Variants in TMPRSS11D observed in about 807,000 individuals in gnomAD.
TMPRSS11D encodes transmembrane protease serine 11D.
In TMPRSS11D, 32 loss-of-function variants were observed where a neutral mutation model predicts 44.4. That is an observed-to-expected ratio of 0.72 (90% CI 0.54 to 0.97). The LOEUF (loss-of-function observed/expected upper bound fraction) is 0.97, where lower values mean the gene tolerates loss of function less well. Among genes scored for constraint, TMPRSS11D ranks in the 50% least tolerant of loss-of-function variants. TMPRSS11D has a pLI of 0.00. For synonymous variants in TMPRSS11D, 179 were observed against 177.9 expected (o/e 1.01, Z -0.05); for missense variants, 446 against 502.6 (o/e 0.89, Z 1.08).
At chr4:67,876,015 A>G (rs780089927) in intron 1 of TMPRSS11D, among the ~76,000 whole-genome samples, 1 of 152,254 alleles carries the variant, frequency 6.6e-6, no homozygotes, top group Non-Finnish European at 1.5e-5. Flanking sequence ...CACATAAAAA[A>G]GAGATTTCTT....
chr4:67,870,456 G>C (rs558875282), intron 1 of TMPRSS11D, among the ~76,000 whole-genome samples: 1 of 152,142 alleles, frequency 6.6e-6, no homozygotes, highest in Non-Finnish European at 1.5e-5. Flanking sequence ...TTGCTCCCTG[G>C]CCTCTTGTAT....
At chr4:67,854,660 A>G (rs570592393) in intron 2 of TMPRSS11D, among the ~76,000 whole-genome samples, 1 of 152,330 alleles carries the variant, frequency 6.6e-6, no homozygotes, top group South Asian at 2.1e-4. Context: ...AAAGTAAGTC[A>G]TCTGACAAGA....
chr4:67,838,458 G>A (rs1718155058), intron 4 of TMPRSS11D, 129 bp from the exon 5 acceptor site: 3 of 860,840 alleles, frequency 3.5e-6, no homozygotes, highest in Non-Finnish European at 5.0e-6. Context: ...ACAGATCTCT[G>A]TAACAGTGTT....
intron 1 of TMPRSS11D, among the ~76,000 whole-genome samples, chr4:67,872,054 T>G (rs910176129): frequency 1.3e-5 from 2 of 152,168 alleles, no homozygotes; most frequent in African/African-American, 4.8e-5. Flanking sequence ...TAGTTAGGGA[T>G]AGCCCAACAT....
chr4:67,857,471 A>T (rs183954511), intron 2 of TMPRSS11D, among the ~76,000 whole-genome samples: 2 of 152,094 alleles, frequency 1.3e-5, no homozygotes, highest in East Asian at 3.9e-4. Context: ...AAAATTAGCC[A>T]GGCATGGTGG....
At chr4:67,840,824 A>G (rs1306885115) in intron 4 of TMPRSS11D, among the ~76,000 whole-genome samples, 2 of 152,188 alleles carry the variant, frequency 1.3e-5, no homozygotes, top group Non-Finnish European at 2.9e-5. Flanking sequence ...AATTAAAATA[A>G]GAAATGTGTT....
intron 3 of TMPRSS11D, among the ~76,000 whole-genome samples, chr4:67,847,199 C>A (rs918316185): frequency 6.6e-6 from 1 of 152,076 alleles, no homozygotes; most frequent in African/African-American, 2.4e-5. Flanking sequence ...CCACTGCATC[C>A]GGCCTTAAAA....
chr4:67,844,624 A>C (rs2109675137), intron 3 of TMPRSS11D, among the ~76,000 whole-genome samples: 1 of 152,000 alleles, frequency 6.6e-6, no homozygotes, highest in Middle Eastern at 3.4e-3. Flanking sequence ...AAATACAAAA[A>C]AAAAATTAGC....
At chr4:67,866,877 G>T (rs967632655) in intron 1 of TMPRSS11D, among the ~76,000 whole-genome samples, 2 of 151,922 alleles carry the variant, frequency 1.3e-5, no homozygotes, top group African/African-American at 4.8e-5. Context: ...TGCATCGGAA[G>T]AATCAATGTC....
At chr4:67,864,643 T>C (rs1366785199) in intron 1 of TMPRSS11D, among the ~76,000 whole-genome samples, 2 of 151,792 alleles carry the variant, frequency 1.3e-5, no homozygotes, top group Non-Finnish European at 2.9e-5. Flanking sequence ...AACTTACTGA[T>C]AAAGGCACTT....
intron 1 of TMPRSS11D, among the ~76,000 whole-genome samples, chr4:67,881,968 T>C (rs1719329736): frequency 6.6e-6 from 1 of 152,216 alleles, no homozygotes. Context: ...ACGTTTTCTG[T>C]AATCTGGTGG....
chr4:67,883,887 TA>T, intron 1 of TMPRSS11D, 38 bp downstream of exon 1: 1 of 1,553,736 alleles, frequency 6.4e-7, no homozygotes. Context: ...TAAGATATAG[TA>T]AAACTTTTAA....
chr4:67,822,327 A>C lies in TMPRSS11D; in HGVS notation c.*10T>G, dbSNP rs765740534. 13 of 1,613,420 alleles carry C rather than the reference A, an allele frequency of 8.1e-6. No individual in the cohort carries two copies. In the Middle Eastern group the frequency reaches 8.3e-4, roughly 103 times the overall value. On this transcript the variant is annotated 3_prime_UTR_variant, in exon 10 of 10. Transcript: ENST00000283916. Reference sequence around the variant, plus strand: ...CATACAGACTTTGCAACAGGGATGCACTTGTTGCACTAGATCCCAGTTTGT... The same window carrying C: ...CATACAGACTTTGCAACAGGGATGCCCTTGTTGCACTAGATCCCAGTTTGT...
chr4:67,841,015 A>C (rs1718214952), intron 4 of TMPRSS11D, among the ~76,000 whole-genome samples: 1 of 152,164 alleles, frequency 6.6e-6, no homozygotes, highest in Non-Finnish European at 1.5e-5. Context: ...ATAAAAGATA[A>C]AATAGAGGTT....
Position 67,822,497 on chromosome 4 carries a change from C to T in TMPRSS11D, c.1097G>A (p.Gly366Asp). ...VPQGGVDACQ[G>D]DSGGPLVQED... ...TTGTACTAGTGGGCCACCAGAGTCA[C>T]CCTGTAAAAAAACAGAATGACTGAT... The change falls in exon 10 of 10, where the codon GGT becomes GAT. Residue 366 changes from glycine (G) to aspartate (D), a missense_variant and splice_region_variant. Coordinates refer to ENST00000283916, the MANE Select transcript of TMPRSS11D (RefSeq NM_004262.3). 6.2e-7 allele frequency: 1 copy of T among 1,613,518 alleles called. No individual in the cohort carries two copies. Among genetic ancestry groups the T allele is most frequent in the Non-Finnish European group, 8.5e-7 (1 of 1,179,744 alleles).
At chr4:67,846,590 C>G (rs749160591) in intron 3 of TMPRSS11D, among the ~76,000 whole-genome samples, 8 of 152,176 alleles carry the variant, frequency 5.3e-5, no homozygotes, top group Non-Finnish European at 8.8e-5. Context: ...CAGTCTCACT[C>G]ATCATGCAAA....
intron 3 of TMPRSS11D, among the ~76,000 whole-genome samples, chr4:67,850,465 C>A (rs1718475229): frequency 6.9e-6 from 1 of 144,810 alleles, no homozygotes. Context: ...AAAAGGGTCC[C>A]GAGTTAGGAA....
At chr4:67,870,624 C>A (rs1451826133) in intron 1 of TMPRSS11D, among the ~76,000 whole-genome samples, 1 of 152,056 alleles carries the variant, frequency 6.6e-6, no homozygotes, top group Non-Finnish European at 1.5e-5. Context: ...ACCATCCTGG[C>A]TAACATGGTG....
At position 67,827,195 on chromosome 4, in the gene TMPRSS11D, T is replaced by A. The variant is rs542199643; in HGVS notation, c.952+66A>T. ...CACCTATTCCAGATGTTTCCTAATT[T>A]AAAAAATTACCTAATAGCAAATATA... On this transcript the variant is annotated intron_variant, in intron 8 of 9. Coordinates refer to ENST00000283916, the MANE Select transcript of TMPRSS11D (RefSeq NM_004262.3). 1.1e-5 allele frequency: 17 copies of A among 1,525,382 alleles called. No individual in the cohort carries two copies. The Admixed American group carries it at 2.0e-4, about 18-fold the overall frequency. 94.5% of individuals were successfully genotyped at this position (1,525,382 alleles called of 1,614,324 possible).
Sources: allele counts gnomAD v4.1 joint callset (sites outside exome capture counted in the v4.1 genomes callset), GRCh38; gene constraint gnomAD v4.1.1; transcripts MANE v1.5; gene names NCBI Gene and HGNC (gene_info 2026-07-23, HGNC 2026-07-21).